The following HSD17B4 variants were observed in gnomAD, a reference collection of about 807,000 sequenced individuals.
HSD17B4 encodes the protein hydroxysteroid 17-beta dehydrogenase 4.
A neutral mutation model predicts 101.0 loss-of-function variants in HSD17B4; 70 were observed. The ratio of observed to expected loss-of-function variants is 0.69; its 90% confidence interval spans 0.57 to 0.85. The LOEUF is 0.85. Among genes scored for constraint, HSD17B4 ranks in the 40% least tolerant of loss-of-function variants. The pLI is 0.00. For missense variants in HSD17B4, 984 were observed against 892.4 expected, an observed-to-expected ratio of 1.10 and a Z score of -1.31; for synonymous variants, 347 against 297.1, an observed-to-expected ratio of 1.17 and a Z score of -1.73.
intron 8 of HSD17B4, among the ~76,000 whole-genome samples, chr5:119,486,684 A>G (rs1333437548): frequency 6.6e-6 from 1 of 152,178 alleles, no homozygotes; most frequent in Non-Finnish European, 1.5e-5. Flanking sequence ...ATTATTATTA[A>G]TGAACATATC....
chr5:119,456,567 C>T, intron 2 of HSD17B4, 199 bp downstream of exon 2: 1 of 582,178 alleles, frequency 1.7e-6, no homozygotes, highest in South Asian at 2.0e-5. Context: ...CACAGAATTC[C>T]CAGCTTAACA....
chr5:119,483,467 A>T (rs190628212), intron 8 of HSD17B4, among the ~76,000 whole-genome samples: 1 of 152,296 alleles, frequency 6.6e-6, no homozygotes, highest in African/African-American at 2.4e-5. Flanking sequence ...GCAAACTGGA[A>T]GTCTAATTAT....
rs146233254 is a variant in HSD17B4 at position 119,541,411 on chromosome 5, C to T, written c.2122-494C>T. On this transcript the variant is annotated intron_variant, in intron 23 of 23. Coordinates refer to ENST00000510025, the MANE Select transcript of HSD17B4 (RefSeq NM_000414.4). Reference sequence around the variant, plus strand: ...CTCACCTTGCTATTAAGGGGCACAGCCTGGATTTTAACTCAGGCATTCTGA... The same window carrying T: ...CTCACCTTGCTATTAAGGGGCACAGTCTGGATTTTAACTCAGGCATTCTGA... 3.2e-4 allele frequency among the ~76,000 whole-genome samples: 48 copies of T among 152,296 alleles called. No individual in the cohort carries two copies. In the East Asian group the frequency reaches 8.9e-3, roughly 28 times the overall value.
chr5:119,517,506 C>G (rs1752736438), intron 17 of HSD17B4, among the ~76,000 whole-genome samples: 1 of 152,268 alleles, frequency 6.6e-6, no homozygotes, highest in Non-Finnish European at 1.5e-5. Flanking sequence ...CCGCGCGGGA[C>G]TGGCAGGCAG....
intron 2 of HSD17B4, among the ~76,000 whole-genome samples, chr5:119,473,697 T>C (rs943735780): frequency 6.6e-6 from 1 of 152,172 alleles, no homozygotes; most frequent in East Asian, 1.9e-4. Context: ...TTAAATAGTT[T>C]TGCTGTTTCT....
intron 11 of HSD17B4, among the ~76,000 whole-genome samples, chr5:119,494,325 T>TTTCC (rs1554064680): frequency 5.4e-5 from 6 of 111,524 alleles, no homozygotes; most frequent in African/African-American, 1.7e-4. Flanking sequence ...TCTTTCTTTC[T>TTTCC]TTTCTTTCTT....
chr5:119,471,543 C>T (rs1057061684), intron 2 of HSD17B4: 2 of 487,994 alleles, frequency 4.1e-6, no homozygotes, highest in Admixed American at 8.5e-5. Context: ...AAAAAAAAAT[C>T]TTGTTTAAAA....
chr5:119,468,830 G>T, intron 2 of HSD17B4, among the ~76,000 whole-genome samples: 1 of 149,598 alleles, frequency 6.7e-6, no homozygotes. Flanking sequence ...TGTCTGACTG[G>T]GTTATTTCAA....
At chr5:119,485,472 AT>A (rs1238328555) in intron 8 of HSD17B4, among the ~76,000 whole-genome samples, 2 of 152,164 alleles carry the variant, frequency 1.3e-5, no homozygotes, top group Non-Finnish European at 2.9e-5. Flanking sequence ...GTTATAGATC[AT>A]TTTTAAATTT....
chr5:119,531,807 A>T (rs1754139135), intron 22 of HSD17B4, among the ~76,000 whole-genome samples: 1 of 152,156 alleles, frequency 6.6e-6, no homozygotes, highest in East Asian at 1.9e-4. Flanking sequence ...AAATTATTTT[A>T]TTCATACCAA....
At chr5:119,515,554 A>G (rs558739321) in intron 17 of HSD17B4, among the ~76,000 whole-genome samples, 23 of 152,352 alleles carry the variant, frequency 1.5e-4, no homozygotes, top group Middle Eastern at 3.4e-3. Flanking sequence ...TTTGACATAA[A>G]GAATTTGTTT....
intron 2 of HSD17B4, among the ~76,000 whole-genome samples, chr5:119,471,271 G>T (rs189018595): frequency 6.6e-6 from 1 of 151,806 alleles, no homozygotes; most frequent in Non-Finnish European, 1.5e-5. Context: ...CATCTCTTGA[G>T]GGATAATACA....
chr5:119,456,081 A>C (rs1754611501), intron 1 of HSD17B4, among the ~76,000 whole-genome samples: 1 of 152,214 alleles, frequency 6.6e-6, no homozygotes, highest in South Asian at 2.1e-4. Context: ...GCAGCTAAGT[A>C]GAATGGTAGG....
intron 2 of HSD17B4, among the ~76,000 whole-genome samples, chr5:119,466,846 A>G (rs756606438): frequency 6.6e-5 from 10 of 151,728 alleles, no homozygotes; most frequent in Non-Finnish European, 1.0e-4. Context: ...TTGCTTTTCT[A>G]GTTCTTTTAG....
intron 12 of HSD17B4, among the ~76,000 whole-genome samples, chr5:119,498,893 A>G (rs146500129): frequency 1.4e-4 from 22 of 152,282 alleles, no homozygotes; most frequent in Admixed American, 1.4e-3. Flanking sequence ...ACAAACAAAC[A>G]GAAACCATTA....
chr5:119,473,902 T>A lies in HSD17B4; in HGVS notation c.113-6T>A. ...TAATTGTTGTTTGCTTGTTTTTGCATTACAGTGAATGATTTGGGAGGGGAC... is the reference window on the plus strand; with the variant it reads ...TAATTGTTGTTTGCTTGTTTTTGCAATACAGTGAATGATTTGGGAGGGGAC... On this transcript the variant is annotated splice_region_variant and splice_polypyrimidine_tract_variant and intron_variant, in intron 2 of 23. Coordinates refer to ENST00000510025, the MANE Select transcript of HSD17B4 (RefSeq NM_000414.4). 1 of 1,502,868 alleles carries A rather than the reference T, an allele frequency of 6.7e-7. No homozygotes were observed. The allele number at this position is 1,502,868 out of a possible 1,614,324, so 93.1% of individuals were successfully genotyped here. A position where few individuals can be genotyped will look rare whatever the true frequency, so the allele number is the denominator to read the frequency against.
intron 16 of HSD17B4, among the ~76,000 whole-genome samples, chr5:119,513,011 G>A (rs1752310417): frequency 6.6e-6 from 1 of 152,108 alleles, no homozygotes; most frequent in African/African-American, 2.4e-5. Context: ...TGAAAAATTA[G>A]TATTGATCAA....
At chr5:119,499,864 C>G (rs1280861352) in intron 13 of HSD17B4, among the ~76,000 whole-genome samples, 2 of 152,122 alleles carry the variant, frequency 1.3e-5, no homozygotes, top group Non-Finnish European at 2.9e-5. Context: ...GCTTCAGTTT[C>G]CTTATCTATA....
chr5:119,474,135 CAA>C, intron 3 of HSD17B4, 120 bp downstream of exon 3: 1 of 727,394 alleles, frequency 1.4e-6, no homozygotes, highest in South Asian at 1.6e-5. Context: ...CTAAGTCTGC[CAA>C]AGTTTTCTGA....
Sources: gnomAD v4.1 joint callset for allele counts (sites outside exome capture counted in the v4.1 genomes callset) on GRCh38, gnomAD v4.1.1 for gene constraint, MANE v1.5 for transcripts, NCBI Gene and HGNC (gene_info 2026-07-23, HGNC 2026-07-21) for gene names.